Variants in RARB observed in about 807,000 individuals in gnomAD.
RARB encodes the protein HBV-activated protein.
A neutral mutation model predicts 51.9 loss-of-function variants in RARB; 17 were observed. That is an observed-to-expected ratio of 0.33 (90% confidence interval 0.22 to 0.49). The LOEUF (loss-of-function observed/expected upper bound fraction) is 0.49. Ranked by LOEUF, RARB falls within the 20% of genes least tolerant of loss-of-function variation. RARB has a pLI of 0.99. For synonymous variants in RARB, 215 were observed against 195.4 expected, an observed-to-expected ratio of 1.10 and a Z score of -0.84; for missense variants, 369 against 550.8, an observed-to-expected ratio of 0.67 and a Z score of 3.30.
At chr3:24,972,346 C>T (rs1004382986) in intron 2 of RARB, among the ~76,000 whole-genome samples, 1 of 151,846 alleles carries the variant, frequency 6.6e-6, no homozygotes, top group African/African-American at 2.4e-5. Context: ...GAATAATATT[C>T]CATTGTGTGT....
chr3:25,583,276 G>A (rs1701255111), intron 5 of RARB, among the ~76,000 whole-genome samples: 1 of 152,238 alleles, frequency 6.6e-6, no homozygotes, highest in Non-Finnish European at 1.5e-5. Context: ...AACTGGCAGA[G>A]CTGTTTAGAA....
At chr3:25,417,208 A>C (rs1259292084) in intron 5 of RARB, among the ~76,000 whole-genome samples, 1 of 151,778 alleles carries the variant, frequency 6.6e-6, no homozygotes, top group African/African-American at 2.4e-5. Context: ...TAAAAAAAAA[A>C]AAAAACTGCT....
intron 3 of RARB, among the ~76,000 whole-genome samples, chr3:25,088,574 G>A (rs1419711177): frequency 6.6e-6 from 1 of 152,092 alleles, no homozygotes; most frequent in Non-Finnish European, 1.5e-5. Context: ...TATACCCAAT[G>A]GGAGGCCATT....
At chr3:24,938,264 A>G (rs1393773462) in intron 2 of RARB, among the ~76,000 whole-genome samples, 2 of 152,244 alleles carry the variant, frequency 1.3e-5, no homozygotes, top group Admixed American at 6.5e-5. Flanking sequence ...TCTATCTACA[A>G]TCTATTCCCT....
chr3:25,120,751 A>G (rs1307027380), intron 3 of RARB, among the ~76,000 whole-genome samples: 1 of 152,150 alleles, frequency 6.6e-6, no homozygotes, highest in Non-Finnish European at 1.5e-5. Context: ...ACCTACGGAG[A>G]CTTCATAAGC....
chr3:25,026,527 T>TGG (rs1697752886), intron 2 of RARB, among the ~76,000 whole-genome samples: 1 of 152,176 alleles, frequency 6.6e-6, no homozygotes, highest in Non-Finnish European at 1.5e-5. Flanking sequence ...CCAAATTTCC[T>TGG]ATTCTTATAA....
In RARB at chr3:25,436,885, C is replaced by G. The variant is rs144507779; in HGVS notation, c.157+7997C>G. ...CATCTCTCCACCTCTGCTTCCCCAT[C>G]ATGGCCTGATGGTCCAAGATAATGC... On this transcript the variant is annotated intron_variant, in intron 1 of 7. Coordinates refer to ENST00000330688, the MANE Select transcript of RARB (RefSeq NM_000965.5). 2.0e-3 allele frequency among the ~76,000 whole-genome samples: 301 copies of G among 152,342 alleles called. 1 individual carries two copies. Among genetic ancestry groups the G allele is most frequent in the African/African-American group, 6.9e-3 (287 of 41,580 alleles).
intron 4 of RARB, among the ~76,000 whole-genome samples, chr3:25,156,955 G>A (rs1342892763): frequency 2.0e-5 from 3 of 152,212 alleles, no homozygotes; most frequent in Non-Finnish European, 2.9e-5. Context: ...GCTAGAGATC[G>A]TAGCAGGCAC....
intron 4 of RARB, among the ~76,000 whole-genome samples, chr3:25,576,487 C>T (rs904415936): frequency 3.9e-5 from 6 of 152,144 alleles, no homozygotes; most frequent in Non-Finnish European, 8.8e-5. Flanking sequence ...TCGACCAAGG[C>T]CCCAGATCTC....
rs141925246 is a variant in RARB at position 25,244,187 on chromosome 3, C to A, written c.178+69612C>A. On this transcript the variant is annotated intron_variant, in intron 5 of 11. Coordinates refer to the RARB transcript ENST00000383772. The stretch of plus-strand genomic sequence containing the variant: ...TTTATCATTTTTTATTGTGTCTATT[C>A]GATTCTTCTCCTTTTCTTCTTTATT... Among the ~76,000 whole-genome samples the A allele has an allele frequency of 0.015, 2,245 of 150,898 alleles. 91 individuals are homozygous for A. In the South Asian group the frequency reaches 0.15, roughly 10 times the overall value.
rs186310297 is a variant in RARB at position 25,143,393 on chromosome 3, C to T, written c.-280+11185C>T. ...TTTTTCCCAAAAAACCCCTCTAGTA[C>T]ACAACTTAGCCAAGCTGTGTAATTT... On this transcript the variant is annotated intron_variant, in intron 4 of 11. Coordinates refer to the RARB transcript ENST00000383772. 5.8e-4 allele frequency among the ~76,000 whole-genome samples: 89 copies of T among 152,272 alleles called. 1 individual carries two copies. The highest frequency in any genetic ancestry group is 1.6e-3 in the African/African-American group (67 of 41,558).
chr3:24,949,944 T>C (rs1317087498), intron 2 of RARB, among the ~76,000 whole-genome samples: 1 of 152,232 alleles, frequency 6.6e-6, no homozygotes, highest in African/African-American at 2.4e-5. Flanking sequence ...TCATATTTTG[T>C]ACCTTTGGAT....
chr3:25,153,135 AGTGTGTGTGTGT>A (rs59786696), intron 4 of RARB, among the ~76,000 whole-genome samples: 9 of 149,642 alleles, frequency 6.0e-5, no homozygotes, highest in Non-Finnish European at 1.2e-4. Flanking sequence ...ATAGAGGCAG[AGTGTGTGTGTGT>A]GTGTGTGTGT....
intron 5 of RARB, among the ~76,000 whole-genome samples, chr3:25,207,898 T>C (rs1701593429): frequency 6.6e-6 from 1 of 152,110 alleles, no homozygotes; most frequent in African/African-American, 2.4e-5. Flanking sequence ...TCCTGTAGGT[T>C]GTACAAGCGT....
intron 2 of RARB, among the ~76,000 whole-genome samples, chr3:25,485,590 T>G (rs1183015781): frequency 5.3e-5 from 8 of 152,094 alleles, no homozygotes; most frequent in Admixed American, 3.3e-4. Context: ...TGAACTCCGG[T>G]TCTTTGTATT....
chr3:25,569,979 C>T, intron 4 of RARB, 61 bp downstream of exon 4: 1 of 1,284,412 alleles, frequency 7.8e-7, no homozygotes, highest in Non-Finnish European at 1.1e-6. Flanking sequence ...TGCATGTGTG[C>T]AGACACACAC....
intron 2 of RARB, chr3:25,020,204 A>G (rs1448641261): frequency 6.6e-6 from 1 of 151,494 alleles, no homozygotes; most frequent in East Asian, 1.9e-4. Context: ...GCTGGAGGGC[A>G]GTGGCTTTTC....
intron 3 of RARB, among the ~76,000 whole-genome samples, chr3:25,532,577 C>T (rs559039532): frequency 6.6e-6 from 1 of 152,252 alleles, no homozygotes; most frequent in East Asian, 1.9e-4. Context: ...TAGCACTTTG[C>T]CTCCCAAGAG....
chr3:25,291,776 G>A (rs1703794313), intron 5 of RARB, among the ~76,000 whole-genome samples: 1 of 152,092 alleles, frequency 6.6e-6, no homozygotes, highest in Non-Finnish European at 1.5e-5. Context: ...GTAGCAGCTT[G>A]TATGGCTGTC....
Sources: allele counts gnomAD v4.1 joint callset (sites outside exome capture counted in the v4.1 genomes callset), GRCh38; gene constraint gnomAD v4.1.1; transcripts MANE v1.5; gene names NCBI Gene and HGNC (gene_info 2026-07-23, HGNC 2026-07-21).